SUGCT: variants seen among roughly 807,000 people sequenced by gnomAD.
SUGCT encodes succinyl-CoA:glutarate-CoA transferase.
Under a neutral mutation model 55.0 loss-of-function variants are expected in SUGCT, and 41 were observed. The observed-to-expected ratio is 0.74, with a 90% CI of 0.58 to 0.97. The LOEUF (loss-of-function observed/expected upper bound fraction) is 0.97, where lower values mean the gene tolerates loss of function less well. Ranked by LOEUF, SUGCT falls within the 50% of genes least tolerant of loss-of-function variation. The probability of loss-of-function intolerance (pLI) is 0.00; values close to 1 mark genes in which losing one functional copy is unlikely to be tolerated. For synonymous variants in SUGCT, 187 were observed against 200.4 expected (o/e 0.93, Z 0.56); for missense variants, 568 against 547.8 (o/e 1.04, Z -0.37).
At chr7:40,245,404 C>CACATATATAT (rs1252155153) in intron 7 of SUGCT, among the ~76,000 whole-genome samples, 4 of 53,290 alleles carry the variant, frequency 7.5e-5, no homozygotes, top group African/African-American at 3.7e-4. Context: ...ACGTAGTAGA[C>CACATATATAT]ATATATATAT....
chr7:40,894,352 A>C, the SUGCT span, among the ~76,000 whole-genome samples: 1 of 152,216 alleles, frequency 6.6e-6, no homozygotes, highest in Non-Finnish European at 1.5e-5. Flanking sequence ...AAAACTTAAA[A>C]CTACAAAAAT....
intron 9 of SUGCT, among the ~76,000 whole-genome samples, chr7:40,377,128 C>CTT (rs1491225270): frequency 0.14 from 899 of 6,292 alleles, 296 homozygotes; most frequent in South Asian, 0.31. Context: ...TTCAGCCTTC[C>CTT]TCTTTCTTTC....
At chr7:40,587,740 C>A (rs2151726094) in intron 12 of SUGCT, among the ~76,000 whole-genome samples, 1 of 152,102 alleles carries the variant, frequency 6.6e-6, no homozygotes, top group African/African-American at 2.4e-5. Flanking sequence ...ATCATCAATC[C>A]TTTTAAAGCT....
rs548073487 is a variant in SUGCT at position 40,171,474 on chromosome 7, A to G, written c.101-9473A>G. ...CTCCTAGGTCTGGTTGGACCTTTGT[A>G]TGGTAATTAAGATTTAAATCCCCTG... On this transcript the variant is annotated intron_variant, in intron 1 of 13. Transcript: ENST00000335693. Among the ~76,000 whole-genome samples, 5 of 152,294 alleles carry G rather than the reference A, an allele frequency of 3.3e-5. No individual in the cohort carries two copies. The South Asian group carries it at 1.0e-3, about 32-fold the overall frequency.
chr7:40,915,744 T>C, the SUGCT span, among the ~76,000 whole-genome samples: 1 of 109,570 alleles, frequency 9.1e-6, no homozygotes, highest in Admixed American at 8.1e-5. Flanking sequence ...TGTGTGTGCA[T>C]TCATTAATTC....
chr7:40,460,311 T>C (rs542249044), intron 11 of SUGCT, among the ~76,000 whole-genome samples: 125 of 152,322 alleles, frequency 8.2e-4, no homozygotes, highest in African/African-American at 2.7e-3. Flanking sequence ...GTGGGACTGA[T>C]AGACACAGAA....
intron 13 of SUGCT, among the ~76,000 whole-genome samples, chr7:40,855,986 T>C (rs1234632811): frequency 6.6e-6 from 1 of 152,238 alleles, no homozygotes; most frequent in Non-Finnish European, 1.5e-5. Context: ...TGGACCCTTG[T>C]TCTATATTCA....
intron 12 of SUGCT, among the ~76,000 whole-genome samples, chr7:40,697,756 GGACATCTCAAA>G (rs778761162): frequency 1.3e-5 from 2 of 152,114 alleles, no homozygotes; most frequent in Non-Finnish European, 2.9e-5. Flanking sequence ...TGGAGAACAG[GGACATCTCAAA>G]GATTTGTGGC....
At chr7:40,653,679 A>T (rs1158699514) in intron 12 of SUGCT, among the ~76,000 whole-genome samples, 1 of 152,138 alleles carries the variant, frequency 6.6e-6, no homozygotes, top group Non-Finnish European at 1.5e-5. Flanking sequence ...AGGAGGTCCT[A>T]ATCCTCACCC....
chr7:41,029,104 G>A, the SUGCT span, among the ~76,000 whole-genome samples: 1 of 152,078 alleles, frequency 6.6e-6, no homozygotes, highest in Non-Finnish European at 1.5e-5. Context: ...CTCCCCTGAT[G>A]TCCTCAGTGA....
chr7:40,395,943 G>T (rs1004988407), intron 9 of SUGCT, among the ~76,000 whole-genome samples: 2 of 152,202 alleles, frequency 1.3e-5, no homozygotes, highest in Non-Finnish European at 2.9e-5. Context: ...TTTCCTTTAA[G>T]AGACACCTTG....
intron 1 of SUGCT, among the ~76,000 whole-genome samples, chr7:40,160,305 T>C (rs1026137396): frequency 6.6e-6 from 1 of 152,132 alleles, no homozygotes; most frequent in African/African-American, 2.4e-5. Flanking sequence ...CTCGGCTCAC[T>C]GCAACCTCTT....
At chr7:40,620,584 G>A (rs1799217977) in intron 12 of SUGCT, among the ~76,000 whole-genome samples, 1 of 152,030 alleles carries the variant, frequency 6.6e-6, no homozygotes, top group South Asian at 2.1e-4. Flanking sequence ...CATATTTTTA[G>A]TAGAGACGAG....
intron 9 of SUGCT, among the ~76,000 whole-genome samples, chr7:40,321,582 C>T (rs1795752511): frequency 6.6e-6 from 1 of 151,678 alleles, no homozygotes; most frequent in African/African-American, 2.4e-5. Context: ...GGGGTTTCAC[C>T]ATGTTGGCCA....
At chr7:40,845,998 T>C (rs973370111) in intron 13 of SUGCT, among the ~76,000 whole-genome samples, 1 of 152,188 alleles carries the variant, frequency 6.6e-6, no homozygotes, top group Non-Finnish European at 1.5e-5. Flanking sequence ...CTACTATAGC[T>C]CTGTTTAGTT....
intron 13 of SUGCT, among the ~76,000 whole-genome samples, chr7:40,754,673 A>C (rs1788172389): frequency 6.6e-6 from 1 of 152,212 alleles, no homozygotes; most frequent in Non-Finnish European, 1.5e-5. Context: ...AGGCTGAGGA[A>C]AGGTTTCTCT....
intron 13 of SUGCT, among the ~76,000 whole-genome samples, chr7:40,769,836 T>G (rs891452935): frequency 6.6e-5 from 10 of 152,202 alleles, no homozygotes; most frequent in African/African-American, 2.4e-4. Context: ...AAATTTTATT[T>G]GATCCCTAAA....
intron 13 of SUGCT, among the ~76,000 whole-genome samples, chr7:40,806,954 C>T (rs979805798): frequency 6.6e-6 from 1 of 152,262 alleles, no homozygotes; most frequent in East Asian, 1.9e-4. Context: ...TATAAGTTTC[C>T]AGACCTATAA....
intron 7 of SUGCT, among the ~76,000 whole-genome samples, chr7:40,250,218 C>T (rs1054775593): frequency 4.0e-5 from 6 of 151,880 alleles, no homozygotes; most frequent in Non-Finnish European, 5.9e-5. Flanking sequence ...GGCAACATGG[C>T]GAAACCCCAT....
Sources: gnomAD v4.1 joint callset for allele counts (sites outside exome capture counted in the v4.1 genomes callset) on GRCh38, gnomAD v4.1.1 for gene constraint, MANE v1.5 for transcripts, NCBI Gene and HGNC (gene_info 2026-07-23, HGNC 2026-07-21) for gene names.